ENPP3: variants seen among roughly 807,000 people sequenced by gnomAD.
ENPP3 encodes the protein ectonucleotide pyrophosphatase/phosphodiesterase family member 3.
A neutral mutation model predicts 117.8 loss-of-function variants in ENPP3; 104 were observed. That is an observed-to-expected ratio of 0.88 (90% confidence interval 0.75 to 1.04). The LOEUF (loss-of-function observed/expected upper bound fraction) is 1.04, where lower values mean the gene tolerates loss of function less well. Ranked by LOEUF, ENPP3 falls within the 50% of genes least tolerant of loss-of-function variation. ENPP3 has a pLI of 0.00. For synonymous variants in ENPP3, 380 were observed against 349.9 expected, an observed-to-expected ratio of 1.09 and a Z score of -0.96; for missense variants, 1,026 against 1,051.9, an observed-to-expected ratio of 0.98 and a Z score of 0.34.
chr6:131,677,973 A>T, intron 11 of ENPP3, 33 bp downstream of exon 11: 1 of 1,388,734 alleles, frequency 7.2e-7, no homozygotes, highest in Non-Finnish European at 1.0e-6. Flanking sequence ...GAAAAAAAAA[A>T]ATGTAAAATC....
chr6:131,649,140 T>C (rs956063189), intron 2 of ENPP3, among the ~76,000 whole-genome samples: 1 of 152,226 alleles, frequency 6.6e-6, no homozygotes, highest in Non-Finnish European at 1.5e-5. Context: ...TGTCTACTGC[T>C]ACTATCTTCC....
intron 6 of ENPP3, among the ~76,000 whole-genome samples, chr6:131,660,717 CTTT>C (rs1299614066): frequency 6.6e-6 from 1 of 152,138 alleles, no homozygotes; most frequent in African/African-American, 2.4e-5. Context: ...TTGCTGTCTG[CTTT>C]TTAAATTTTG....
intron 15 of ENPP3, chr6:131,709,671 A>G: frequency 6.2e-7 from 1 of 1,613,228 alleles, no homozygotes; most frequent in Non-Finnish European, 8.5e-7. Context: ...TTTGATAAAA[A>G]TGAACAGTTC....
chr6:131,639,410 G>A (rs936265041), intron 1 of ENPP3, among the ~76,000 whole-genome samples: 1 of 151,444 alleles, frequency 6.6e-6, no homozygotes, highest in Admixed American at 6.6e-5. Context: ...TCAGCCTCCC[G>A]AGTAGCTGGG....
At chr6:131,669,862 T>C (rs1385667156) in intron 6 of ENPP3, among the ~76,000 whole-genome samples, 1 of 152,096 alleles carries the variant, frequency 6.6e-6, no homozygotes, top group African/African-American at 2.4e-5. Flanking sequence ...AAAACACTCA[T>C]TGTGTTCAGC....
intron 6 of ENPP3, among the ~76,000 whole-genome samples, chr6:131,669,323 C>A (rs886229739): frequency 2.0e-5 from 3 of 151,682 alleles, no homozygotes; most frequent in African/African-American, 7.3e-5. Flanking sequence ...TAAATTAAGT[C>A]CTGGAGCAGT....
chr6:131,705,267 T>TAAA (rs1779614628), intron 15 of ENPP3, among the ~76,000 whole-genome samples: 1 of 123,262 alleles, frequency 8.1e-6, no homozygotes, highest in Non-Finnish European at 1.7e-5. Flanking sequence ...ACAATAATAA[T>TAAA]AAACCCATTT....
At chr6:131,691,821 C>G (rs1460844637) in intron 14 of ENPP3, among the ~76,000 whole-genome samples, 1 of 152,078 alleles carries the variant, frequency 6.6e-6, no homozygotes, top group East Asian at 1.9e-4. Context: ...GCTGCATACT[C>G]AGCAGCTGCC....
intron 16 of ENPP3, among the ~76,000 whole-genome samples, chr6:131,719,337 T>C (rs908346603): frequency 2.0e-5 from 3 of 149,956 alleles, no homozygotes; most frequent in Admixed American, 1.3e-4. Flanking sequence ...TAATCCCCCA[T>C]AGGTAAAGCT....
chr6:131,740,399 G>A lies in ENPP3; in HGVS notation c.2457+19G>A. The stretch of plus-strand genomic sequence containing the variant: ...CTGTCCTGTGAGTATGCTTTGGGAG[G>A]GTCCAGGACCCGAGAAAATGAGTCA... On this transcript the variant is annotated intron_variant, in intron 24 of 24. Transcript: ENST00000357639. 2 of 1,553,066 alleles carry A rather than the reference G, an allele frequency of 1.3e-6. No homozygotes were observed. Among genetic ancestry groups the A allele is most frequent in the Non-Finnish European group, 1.7e-6 (2 of 1,150,032 alleles).
At chr6:131,659,067 T>C (rs1778445339) in intron 6 of ENPP3, among the ~76,000 whole-genome samples, 1 of 152,248 alleles carries the variant, frequency 6.6e-6, no homozygotes, top group African/African-American at 2.4e-5. Context: ...GTTATTGTTA[T>C]AATTCTTTTA....
At chr6:131,733,428 A>G (rs1410760511) in intron 20 of ENPP3, among the ~76,000 whole-genome samples, 160 bp from the exon 21 acceptor site, 1 of 152,208 alleles carries the variant, frequency 6.6e-6, no homozygotes, top group African/African-American at 2.4e-5. Context: ...AGAAGAAAAC[A>G]CTGCTGAAGA....
chr6:131,727,872 C>G (rs1780192168), intron 20 of ENPP3, among the ~76,000 whole-genome samples: 1 of 152,090 alleles, frequency 6.6e-6, no homozygotes, highest in South Asian at 2.1e-4. Flanking sequence ...CTAAGAGTAC[C>G]ACCTCTTTTA....
In ENPP3 at chr6:131,685,504, G is replaced by A. The variant is rs371580140; in HGVS notation, c.1252+9G>A. ...TCATGACTTTTTTAGTTGTAAGTAT[G>A]AAGACACCTATATGAAAAAAAGGGT... On this transcript the variant is annotated intron_variant, in intron 13 of 24. Transcript: ENST00000357639. The A allele has an allele frequency of 4.3e-6, 7 of 1,611,316 alleles. No individual in the cohort carries two copies. The South Asian group carries it at 4.4e-5, about 10-fold the overall frequency.
intron 2 of ENPP3, among the ~76,000 whole-genome samples, chr6:131,643,730 G>T (rs766903342): frequency 6.6e-6 from 1 of 152,040 alleles, no homozygotes. Flanking sequence ...CGTATTTTTT[G>T]ATTGAACATT....
chr6:131,660,628 CAG>C (rs1778478873), intron 6 of ENPP3, among the ~76,000 whole-genome samples: 1 of 152,156 alleles, frequency 6.6e-6, no homozygotes, highest in African/African-American at 2.4e-5. Flanking sequence ...GGGACATATG[CAG>C]AGTTTTAGAG....
intron 2 of ENPP3, among the ~76,000 whole-genome samples, chr6:131,647,378 C>A (rs1778173744): frequency 6.6e-6 from 1 of 152,068 alleles, no homozygotes; most frequent in African/African-American, 2.4e-5. Context: ...TACATTAAGA[C>A]TGTTTCAGTT....
chr6:131,733,266 C>A (rs1780324199), intron 20 of ENPP3, among the ~76,000 whole-genome samples: 1 of 152,088 alleles, frequency 6.6e-6, no homozygotes, highest in Admixed American at 6.5e-5. Context: ...ATATACATCA[C>A]CACATAAAAG....
chr6:131,649,453 C>A (rs533430066), intron 2 of ENPP3, among the ~76,000 whole-genome samples: 12 of 152,170 alleles, frequency 7.9e-5, no homozygotes, highest in South Asian at 2.1e-4. Context: ...ATTTTTAAAA[C>A]CTTGATCCTT....
Sources: gnomAD v4.1 joint callset for allele counts (sites outside exome capture counted in the v4.1 genomes callset) on GRCh38, gnomAD v4.1.1 for gene constraint, MANE v1.5 for transcripts, NCBI Gene and HGNC (gene_info 2026-07-23, HGNC 2026-07-21) for gene names.